Variants in NBAS observed in about 807,000 individuals in gnomAD.
NBAS encodes the protein NBAS subunit of NRZ tethering complex.
A neutral mutation model predicts 302.5 loss-of-function variants in NBAS; 219 were observed. The observed-to-expected ratio is 0.72, with a 90% CI of 0.65 to 0.81. The LOEUF is 0.81. Ranked by LOEUF, NBAS falls within the 30% of genes least tolerant of loss-of-function variation. NBAS has a pLI of 0.00. For synonymous variants in NBAS, 1,118 were observed against 1,021.6 expected (o/e 1.09, Z -1.80); for missense variants, 2,932 against 2,841.6 (o/e 1.03, Z -0.72).
At chr2:14,908,097 C>T in the NBAS span, among the ~76,000 whole-genome samples, 1 of 152,228 alleles carries the variant, frequency 6.6e-6, no homozygotes, top group Admixed American at 6.5e-5. Context: ...GGCGCAGTGG[C>T]TCACGCCTGT....
At chr2:15,479,957 C>G (rs1680356728) in intron 12 of NBAS, among the ~76,000 whole-genome samples, 1 of 152,184 alleles carries the variant, frequency 6.6e-6, no homozygotes, top group African/African-American at 2.4e-5. Context: ...AATTACAATT[C>G]AATTCTAACA....
the NBAS span, among the ~76,000 whole-genome samples, chr2:14,816,246 G>A: frequency 6.6e-6 from 1 of 152,240 alleles, no homozygotes. Flanking sequence ...TGAGCAGTGT[G>A]AGTGAGCATT....
At chr2:15,517,615 C>T (rs150672518) in intron 9 of NBAS, among the ~76,000 whole-genome samples, 97 of 152,194 alleles carry the variant, frequency 6.4e-4, no homozygotes, top group African/African-American at 1.8e-3. Context: ...GTAGTAGGTA[C>T]GTAGTTTTAC....
At chr2:15,372,248 A>G (rs1435944963) in intron 31 of NBAS, among the ~76,000 whole-genome samples, 1 of 152,232 alleles carries the variant, frequency 6.6e-6, no homozygotes, top group Non-Finnish European at 1.5e-5. Context: ...CCCAAAATAA[A>G]GAGAAAAGCA....
At chr2:15,222,825 T>C (rs1191237162) in intron 47 of NBAS, among the ~76,000 whole-genome samples, 2 of 152,206 alleles carry the variant, frequency 1.3e-5, no homozygotes, top group Non-Finnish European at 2.9e-5. Context: ...GGATTAAAAT[T>C]ACTCAGCTAT....
At position 15,489,031 on chromosome 2, in the gene NBAS, G is replaced by T. The variant is rs1287594409; in HGVS notation, c.955-9C>A. ...ATCTTAAAAATTCCATCCTAAATAAGAATCATAAGGTCAGGGCAAAGGACT... is the reference window on the plus strand; with the variant it reads ...ATCTTAAAAATTCCATCCTAAATAATAATCATAAGGTCAGGGCAAAGGACT... On this transcript the variant is annotated splice_polypyrimidine_tract_variant and intron_variant, in intron 11 of 51. Coordinates refer to ENST00000281513, the MANE Select transcript of NBAS (RefSeq NM_015909.4). The T allele has an allele frequency of 1.2e-6, 2 of 1,612,688 alleles. No homozygotes were observed. Among genetic ancestry groups the T allele is most frequent in the Non-Finnish European group, 1.7e-6 (2 of 1,179,248 alleles).
At chr2:14,986,629 C>A in the NBAS span, among the ~76,000 whole-genome samples, 1 of 152,022 alleles carries the variant, frequency 6.6e-6, no homozygotes, top group Non-Finnish European at 1.5e-5. Flanking sequence ...TTGATAATAA[C>A]CTCCTTCATT....
intron 44 of NBAS, among the ~76,000 whole-genome samples, chr2:15,247,029 G>A (rs1021790739): frequency 6.6e-6 from 1 of 152,200 alleles, no homozygotes; most frequent in African/African-American, 2.4e-5. Flanking sequence ...CATCTCCAAG[G>A]AGAGTCCTCA....
chr2:15,333,323 A>T (rs1343557752), intron 35 of NBAS, among the ~76,000 whole-genome samples: 1 of 152,210 alleles, frequency 6.6e-6, no homozygotes, highest in Admixed American at 6.5e-5. Context: ...GCACAGAAAG[A>T]GAAATAGCAG....
At chr2:15,269,327 T>A (rs1288649727) in intron 44 of NBAS, among the ~76,000 whole-genome samples, 1 of 152,194 alleles carries the variant, frequency 6.6e-6, no homozygotes, top group African/African-American at 2.4e-5. Flanking sequence ...AACATCCTGA[T>A]GGGAGACTAT....
chr2:14,834,498 A>T, the NBAS span, among the ~76,000 whole-genome samples: 1 of 152,160 alleles, frequency 6.6e-6, no homozygotes, highest in Non-Finnish European at 1.5e-5. Flanking sequence ...CCATTATGCA[A>T]TTATTGAATA....
the NBAS span, among the ~76,000 whole-genome samples, chr2:15,138,693 C>CA: frequency 0.038 from 5,494 of 142,924 alleles, 339 homozygotes; most frequent in African/African-American, 0.13. Flanking sequence ...AGTAACTGGG[C>CA]AAAAAAAAAA....
the NBAS span, among the ~76,000 whole-genome samples, chr2:15,130,002 ATC>A: frequency 2.2e-4 from 33 of 152,282 alleles, no homozygotes; most frequent in African/African-American, 7.9e-4. Flanking sequence ...CCTCACAACC[ATC>A]TGGTTTCAGA....
chr2:15,229,731 G>A (rs966859821), intron 47 of NBAS, among the ~76,000 whole-genome samples: 11 of 151,008 alleles, frequency 7.3e-5, no homozygotes, highest in South Asian at 2.1e-4. Flanking sequence ...GCAGTGAGCC[G>A]AGACTGCGCC....
chr2:15,429,162 C>T (rs924264414), intron 21 of NBAS, among the ~76,000 whole-genome samples: 2 of 152,276 alleles, frequency 1.3e-5, no homozygotes, highest in South Asian at 4.1e-4. Context: ...TCTTCATGAG[C>T]TAGGCACTCT....
At chr2:15,493,970 C>T (rs966522596) in intron 11 of NBAS, among the ~76,000 whole-genome samples, 1 of 151,708 alleles carries the variant, frequency 6.6e-6, no homozygotes, top group Non-Finnish European at 1.5e-5. Flanking sequence ...GGATTACAGG[C>T]ACCTGCCACC....
chr2:15,558,749 C>T (rs906166044), intron 1 of NBAS, 115 bp from the exon 2 acceptor site: 2 of 819,326 alleles, frequency 2.4e-6, no homozygotes, highest in African/African-American at 3.4e-5. Context: ...GTTTTGGGCA[C>T]AGGGAAGCAG....
intron 10 of NBAS, among the ~76,000 whole-genome samples, chr2:15,505,185 T>G (rs1192891392): frequency 3.9e-5 from 6 of 152,212 alleles, no homozygotes; most frequent in Admixed American, 2.0e-4. Flanking sequence ...TACTCCATTG[T>G]GACCTGCCAC....
chr2:14,985,498 C>T, the NBAS span, among the ~76,000 whole-genome samples: 5 of 152,180 alleles, frequency 3.3e-5, no homozygotes, highest in African/African-American at 9.7e-5. Flanking sequence ...AAGATAAAGT[C>T]AGACAACTAA....
Sources: gnomAD v4.1 joint callset for allele counts (sites outside exome capture counted in the v4.1 genomes callset) on GRCh38, gnomAD v4.1.1 for gene constraint, MANE v1.5 for transcripts, NCBI Gene and HGNC (gene_info 2026-07-23, HGNC 2026-07-21) for gene names.